The following DRC11 variants were observed in gnomAD, a reference collection of about 807,000 sequenced individuals.
DRC11 encodes dynein regulatory complex subunit 11.
the DRC11 span, among the ~76,000 whole-genome samples, chr2:236,472,667 G>T: frequency 6.6e-6 from 1 of 152,140 alleles, no homozygotes; most frequent in East Asian, 1.9e-4. The surrounding 1 kb of genome is among the most constrained non-coding windows in gnomAD (Gnocchi z 4.6). Flanking sequence ...CCTATCCCAA[G>T]CTCCAGGCTA....
the DRC11 span, chr2:236,324,779 C>A: frequency 6.3e-7 from 1 of 1,598,018 alleles, no homozygotes; most frequent in South Asian, 1.1e-5. The surrounding 1 kb of genome is among the most constrained non-coding windows in gnomAD (Gnocchi z 5.7). Context: ...TTTGGCATAC[C>A]AGTTCTGAAA....
chr2:236,448,259 T>C, the DRC11 span, among the ~76,000 whole-genome samples: 1 of 152,198 alleles, frequency 6.6e-6, no homozygotes, highest in African/African-American at 2.4e-5. This position sits in a 1 kb window ranked among gnomAD's most constrained non-coding sequence, Gnocchi z 5.3. Flanking sequence ...GAAATTATTT[T>C]ATTTGATTGA....
the DRC11 span, among the ~76,000 whole-genome samples, chr2:236,477,533 T>A: frequency 6.6e-6 from 1 of 152,110 alleles, no homozygotes; most frequent in Admixed American, 6.6e-5. Flanking sequence ...AGTGGGCCCA[T>A]GCAGTTCAAA....
chr2:236,463,709 T>A, the DRC11 span, among the ~76,000 whole-genome samples: 1 of 152,202 alleles, frequency 6.6e-6, no homozygotes, highest in African/African-American at 2.4e-5. This position sits in a 1 kb window ranked among gnomAD's most constrained non-coding sequence, Gnocchi z 5.0. Flanking sequence ...GTATTAGATA[T>A]CTATTGCTGC....
At chr2:236,448,558 A>C in the DRC11 span, among the ~76,000 whole-genome samples, 6 of 151,570 alleles carry the variant, frequency 4.0e-5, no homozygotes, top group African/African-American at 1.2e-4. This position sits in a 1 kb window ranked among gnomAD's most constrained non-coding sequence, Gnocchi z 5.3. Flanking sequence ...CTGGTCTCGA[A>C]CTCCTGAGCT....
the DRC11 span, among the ~76,000 whole-genome samples, chr2:236,360,796 G>C: frequency 5.3e-5 from 8 of 152,198 alleles, no homozygotes; most frequent in East Asian, 1.5e-3. This position sits in a 1 kb window ranked among gnomAD's most constrained non-coding sequence, Gnocchi z 5.8. Flanking sequence ...CTGGAGTAAA[G>C]ACCATATTCC....
At chr2:236,337,629 C>T in the DRC11 span, among the ~76,000 whole-genome samples, 2 of 152,222 alleles carry the variant, frequency 1.3e-5, no homozygotes, top group African/African-American at 4.8e-5. This position sits in a 1 kb window ranked among gnomAD's most constrained non-coding sequence, Gnocchi z 4.9. Context: ...CAGGCTCCTC[C>T]TCGCTCCACT....
At chr2:236,327,747 A>G in the DRC11 span, among the ~76,000 whole-genome samples, 1 of 151,802 alleles carries the variant, frequency 6.6e-6, no homozygotes, top group Non-Finnish European at 1.5e-5. Flanking sequence ...CAATGGCATG[A>G]TCTTGGCTCA....
At chr2:236,488,222 T>C in the DRC11 span, 1 of 1,479,238 alleles carries the variant, frequency 6.8e-7, no homozygotes, top group Non-Finnish European at 9.1e-7. Context: ...AAACCAATGT[T>C]TGAACATGTT....
the DRC11 span, among the ~76,000 whole-genome samples, chr2:236,388,857 T>C: frequency 1.3e-5 from 2 of 152,022 alleles, no homozygotes; most frequent in Non-Finnish European, 2.9e-5. Context: ...ATGTCCTTTC[T>C]GTTTGTTAGT....
the DRC11 span, chr2:236,367,527 A>G: frequency 6.6e-6 from 1 of 152,018 alleles, no homozygotes; most frequent in African/African-American, 2.4e-5. The surrounding 1 kb of genome is among the most constrained non-coding windows in gnomAD (Gnocchi z 4.8). Flanking sequence ...GTCAGAACTG[A>G]AACTCCTGGC....
the DRC11 span, among the ~76,000 whole-genome samples, chr2:236,337,309 C>T: frequency 6.6e-6 from 1 of 152,140 alleles, no homozygotes; most frequent in Admixed American, 6.5e-5. The surrounding 1 kb of genome is among the most constrained non-coding windows in gnomAD (Gnocchi z 4.9). Flanking sequence ...GAACGGCCGC[C>T]AGCACTCTCC....
chr2:236,409,045 A>G, the DRC11 span: 2 of 606,850 alleles, frequency 3.3e-6, no homozygotes, highest in Non-Finnish European at 6.0e-6. Flanking sequence ...CGAGGGACCC[A>G]TGTCTGGGAG....
At chr2:236,381,453 C>G in the DRC11 span, among the ~76,000 whole-genome samples, 1 of 151,812 alleles carries the variant, frequency 6.6e-6, no homozygotes, top group African/African-American at 2.4e-5. The surrounding 1 kb of genome is among the most constrained non-coding windows in gnomAD (Gnocchi z 5.8). Context: ...TCCAAACAGA[C>G]TAAGGCAGTA....
At chr2:236,449,669 GC>G in the DRC11 span, among the ~76,000 whole-genome samples, 3 of 152,262 alleles carry the variant, frequency 2.0e-5, no homozygotes, top group Admixed American at 1.3e-4. This position sits in a 1 kb window ranked among gnomAD's most constrained non-coding sequence, Gnocchi z 5.1. Flanking sequence ...AGGCATCTCT[GC>G]TAGCCCCGCA....
At chr2:236,498,580 C>A in the DRC11 span, among the ~76,000 whole-genome samples, 2 of 151,962 alleles carry the variant, frequency 1.3e-5, no homozygotes, top group Admixed American at 1.3e-4. Flanking sequence ...GTGGACTGAA[C>A]AAAGAGGAAG....
the DRC11 span, chr2:236,344,620 G>C: frequency 1.1e-5 from 18 of 1,613,516 alleles, no homozygotes; most frequent in Non-Finnish European, 1.5e-5. Flanking sequence ...TCCACACCAC[G>C]GAGGGCTGGA....
the DRC11 span, among the ~76,000 whole-genome samples, chr2:236,400,376 G>A: frequency 3.9e-4 from 59 of 152,202 alleles, no homozygotes; most frequent in African/African-American, 1.0e-3. This position sits in a 1 kb window ranked among gnomAD's most constrained non-coding sequence, Gnocchi z 7.9. Flanking sequence ...GCTACCCGCC[G>A]CCAGCCCAGG....
At chr2:236,336,195 G>A in the DRC11 span, among the ~76,000 whole-genome samples, 1 of 152,164 alleles carries the variant, frequency 6.6e-6, no homozygotes, top group Non-Finnish European at 1.5e-5. This position sits in a 1 kb window ranked among gnomAD's most constrained non-coding sequence, Gnocchi z 7.3. Context: ...TATCAAGACA[G>A]AAATAAGCAC....
Sources: allele counts gnomAD v4.1 joint callset (sites outside exome capture counted in the v4.1 genomes callset), GRCh38; gene constraint gnomAD v4.1.1; non-coding constraint Gnocchi (gnomAD v3.1); transcripts MANE v1.5; gene names NCBI Gene and HGNC (gene_info 2026-07-23, HGNC 2026-07-21).